The following CNTNAP2 variants were observed in gnomAD, a reference collection of about 807,000 sequenced individuals.
CNTNAP2 encodes contactin-associated protein-like 2.
Under a neutral mutation model 155.2 loss-of-function variants are expected in CNTNAP2, and 98 were observed. The observed-to-expected ratio is 0.63, with a 90% CI of 0.54 to 0.75. The LOEUF is 0.75. Ranked by LOEUF, CNTNAP2 falls within the 30% of genes least tolerant of loss-of-function variation. CNTNAP2 has a pLI of 0.00. For missense variants in CNTNAP2, 1,727 were observed against 1,688.1 expected, an observed-to-expected ratio of 1.02 and a Z score of -0.40; for synonymous variants, 651 against 631.2, an observed-to-expected ratio of 1.03 and a Z score of -0.47.
rs780382683 is a variant in CNTNAP2, at chr7:147,475,614, G to A, written c.1671-10321G>A. ...GCTTACCAATTTGTCTTTGTATTTG[G>A]CTATGTTTGGTCACTCAAGATTTAA... On this transcript the variant is annotated intron_variant, in intron 10 of 23. Transcript: ENST00000361727. 8.0e-4 allele frequency among the ~76,000 whole-genome samples: 121 copies of A among 151,262 alleles called. 2 individuals carry two copies. The highest frequency in any genetic ancestry group is 3.4e-3 in the Middle Eastern group (1 of 292).
At chr7:146,653,035 C>G (rs1799942820) in intron 1 of CNTNAP2, among the ~76,000 whole-genome samples, 1 of 152,090 alleles carries the variant, frequency 6.6e-6, no homozygotes, top group South Asian at 2.1e-4. Context: ...TGCTTTATTA[C>G]AAGGCATACT....
intron 3 of CNTNAP2, among the ~76,000 whole-genome samples, chr7:146,920,568 T>G (rs1796479837): frequency 6.6e-6 from 1 of 152,164 alleles, no homozygotes; most frequent in Non-Finnish European, 1.5e-5. Flanking sequence ...AAAAAGTGAT[T>G]TCTAGAAGAT....
intron 9 of CNTNAP2, among the ~76,000 whole-genome samples, chr7:147,382,849 T>C (rs1371736976): frequency 6.6e-6 from 1 of 152,132 alleles, no homozygotes; most frequent in African/African-American, 2.4e-5. Flanking sequence ...ATGTAGTACA[T>C]TGTCAGCCAA....
At chr7:147,954,030 A>G (rs563106229) in intron 14 of CNTNAP2, among the ~76,000 whole-genome samples, 7 of 152,292 alleles carry the variant, frequency 4.6e-5, no homozygotes, top group African/African-American at 1.7e-4. Context: ...AATTTACATG[A>G]AAAAGAACCT....
chr7:147,502,967 G>A (rs1323594069), intron 11 of CNTNAP2, among the ~76,000 whole-genome samples: 2 of 152,118 alleles, frequency 1.3e-5, no homozygotes, highest in African/African-American at 2.4e-5. Flanking sequence ...AGTACCCTCT[G>A]TGCTTTTCCT....
chr7:146,705,701 A>G (rs1173144021), intron 1 of CNTNAP2, among the ~76,000 whole-genome samples: 1 of 152,098 alleles, frequency 6.6e-6, no homozygotes, highest in Non-Finnish European at 1.5e-5. Flanking sequence ...CAGGCAAGAG[A>G]GCTGTGCAGG....
chr7:146,970,410 A>G (rs1797761424), intron 3 of CNTNAP2, among the ~76,000 whole-genome samples: 1 of 152,220 alleles, frequency 6.6e-6, no homozygotes, highest in African/African-American at 2.4e-5. Context: ...GGACATGAAC[A>G]GACACTTCTC....
chr7:148,253,453 C>T (rs1013043093), intron 20 of CNTNAP2, among the ~76,000 whole-genome samples: 1 of 152,094 alleles, frequency 6.6e-6, no homozygotes, highest in Non-Finnish European at 1.5e-5. Context: ...AATATTATTC[C>T]TTCATTGTTT....
At chr7:147,249,429 CAA>C (rs1290906713) in intron 8 of CNTNAP2, among the ~76,000 whole-genome samples, 5 of 151,996 alleles carry the variant, frequency 3.3e-5, no homozygotes, top group African/African-American at 4.8e-5. Context: ...ATAATTCTCT[CAA>C]GTTAAAAAAA....
intron 22 of CNTNAP2, among the ~76,000 whole-genome samples, chr7:148,392,519 C>CTGTA (rs1313133346): frequency 6.6e-6 from 1 of 152,196 alleles, no homozygotes; most frequent in Admixed American, 6.5e-5. Context: ...ACAGCATCCA[C>CTGTA]TGTAACCTTA....
At chr7:147,478,625 G>T (rs923270630) in intron 10 of CNTNAP2, among the ~76,000 whole-genome samples, 1 of 152,068 alleles carries the variant, frequency 6.6e-6, no homozygotes, top group African/African-American at 2.4e-5. Context: ...CACTATCACA[G>T]GTTCATTTCT....
intron 2 of CNTNAP2, among the ~76,000 whole-genome samples, chr7:146,824,052 A>G (rs146912623): frequency 0.058 from 8,885 of 151,900 alleles, 815 homozygotes; most frequent in African/African-American, 0.2. Context: ...CCAACCCCTG[A>G]CAGGCCCTGG....
chr7:146,904,724 G>C (rs1796083606), intron 3 of CNTNAP2, among the ~76,000 whole-genome samples: 1 of 152,124 alleles, frequency 6.6e-6, no homozygotes, highest in Non-Finnish European at 1.5e-5. Context: ...GCCCACCTCG[G>C]CCTCCCAAAG....
At chr7:147,146,354 T>C (rs1286783258) in intron 8 of CNTNAP2, 4 of 152,936 alleles carry the variant, frequency 2.6e-5, no homozygotes, top group Non-Finnish European at 5.8e-5. Flanking sequence ...AGCTCCACTT[T>C]GCTTAGCTCT....
chr7:148,075,524 C>G (rs1803468203), intron 15 of CNTNAP2, among the ~76,000 whole-genome samples: 1 of 152,094 alleles, frequency 6.6e-6, no homozygotes, highest in African/African-American at 2.4e-5. Context: ...TGAAGTAAAG[C>G]TACTTTACTC....
intron 15 of CNTNAP2, among the ~76,000 whole-genome samples, chr7:148,037,711 T>G (rs574168767): frequency 2.0e-5 from 3 of 152,358 alleles, no homozygotes; most frequent in Non-Finnish European, 4.4e-5. Flanking sequence ...TTGTTATTAT[T>G]TTTCTATTTT....
chr7:148,072,112 T>C (rs1019799969), intron 15 of CNTNAP2, among the ~76,000 whole-genome samples: 1 of 152,164 alleles, frequency 6.6e-6, no homozygotes, highest in Non-Finnish European at 1.5e-5. Context: ...ACAGCCTGAT[T>C]TATAATTGTT....
chr7:146,273,846 T>A (rs1800123052), intron 1 of CNTNAP2, among the ~76,000 whole-genome samples: 1 of 152,182 alleles, frequency 6.6e-6, no homozygotes, highest in Admixed American at 6.6e-5. Flanking sequence ...GCGATGACCC[T>A]GTATTTAATC....
intron 3 of CNTNAP2, among the ~76,000 whole-genome samples, chr7:146,916,842 T>G (rs546631929): frequency 6.6e-6 from 1 of 152,298 alleles, no homozygotes; most frequent in African/African-American, 2.4e-5. Flanking sequence ...TCTGGATTAT[T>G]TCTTTTCTTC....
Sources: gnomAD v4.1 joint callset for allele counts (sites outside exome capture counted in the v4.1 genomes callset) on GRCh38, gnomAD v4.1.1 for gene constraint, MANE v1.5 for transcripts, NCBI Gene and HGNC (gene_info 2026-07-23, HGNC 2026-07-21) for gene names.